Variants in PGM2L1 observed in about 807,000 individuals in gnomAD.
PGM2L1 encodes phosphoglucomutase 2 like 1.
Under a neutral mutation model 73.4 loss-of-function variants are expected in PGM2L1, and 35 were observed. The ratio of observed to expected loss-of-function variants is 0.48; its 90% CI spans 0.36 to 0.63. The LOEUF (loss-of-function observed/expected upper bound fraction) is 0.63, where lower values mean the gene tolerates loss of function less well. Ranked by LOEUF, PGM2L1 falls within the 30% of genes least tolerant of loss-of-function variation. The probability of loss-of-function intolerance (pLI) is 0.00; values close to 1 mark genes in which losing one functional copy is unlikely to be tolerated. For missense variants in PGM2L1, 570 were observed against 742.0 expected (o/e 0.77, Z 2.69); for synonymous variants, 225 against 253.8 (o/e 0.89, Z 1.08).
At position 74,334,467 on chromosome 11, in the gene PGM2L1, A is replaced by G. The variant is rs574102002; in HGVS notation, c.*2185T>C. ...TAAAAATAAAACAAAAATTCTACAC[A>G]TATCTTCTCCAGTGCAAAGCCTTTG... On this transcript the variant is annotated 3_prime_UTR_variant, in exon 14 of 14. Transcript: ENST00000298198. 1 of 152,360 alleles carries G rather than the reference A, an allele frequency of 6.6e-6. No homozygotes were observed. Among genetic ancestry groups the G allele is most frequent in the South Asian group, 2.1e-4 (1 of 4,830 alleles). 9.4% of individuals were successfully genotyped at this position (152,360 alleles called of 1,614,324 possible). A position where few individuals can be genotyped will look rare whatever the true frequency, so the allele number is the denominator to read the frequency against.
At chr11:74,389,803 T>C (rs2134953534) in intron 1 of PGM2L1, among the ~76,000 whole-genome samples, 1 of 149,566 alleles carries the variant, frequency 6.7e-6, no homozygotes, top group South Asian at 2.1e-4. Flanking sequence ...AACGGCCTTG[T>C]AGAAAACTTG....
chr11:74,385,715 G>A (rs1315894009), intron 1 of PGM2L1, among the ~76,000 whole-genome samples: 1 of 151,640 alleles, frequency 6.6e-6, no homozygotes, highest in East Asian at 1.9e-4. Flanking sequence ...TTGAAATGGC[G>A]AAAATACTAC....
chr11:74,352,176 TATG>T (rs1432944758), intron 5 of PGM2L1, among the ~76,000 whole-genome samples: 2 of 152,052 alleles, frequency 1.3e-5, no homozygotes, highest in African/African-American at 4.8e-5. Context: ...GGCTAATTAT[TATG>T]ATAACATTAT....
In PGM2L1 at chr11:74,336,659, G is replaced by T; in HGVS notation, c.1862C>A (p.Ser621Tyr). The T allele has an allele frequency of 1.9e-6, 3 of 1,603,772 alleles. No homozygotes were observed. In the South Asian group the frequency reaches 3.3e-5, roughly 18 times the overall value. The change falls in exon 14 of 14, where the codon TCT becomes TAT. Residue 621 changes from serine to tyrosine, a missense_variant. Coordinates refer to ENST00000298198, the MANE Select transcript of PGM2L1 (RefSeq NM_173582.6). ...TGACATATTGGTGTACCCCTAAACA[G>T]AACGCCAGATCAGTCCATTCTTACT... ...QPSKNGLIWR[S>Y]V
At chr11:74,383,290 T>C (rs1234573024) in intron 1 of PGM2L1, among the ~76,000 whole-genome samples, 1 of 152,002 alleles carries the variant, frequency 6.6e-6, no homozygotes, top group East Asian at 1.9e-4. Flanking sequence ...ATATAAACCA[T>C]ACATGCAATA....
intron 5 of PGM2L1, chr11:74,355,452 G>C: frequency 2.6e-6 from 1 of 379,884 alleles, no homozygotes; most frequent in African/African-American, 2.3e-5. Flanking sequence ...TACTCGGGAG[G>C]CTGAGGCAGG....
chr11:74,364,719 A>G (rs1862626424), intron 5 of PGM2L1, among the ~76,000 whole-genome samples: 1 of 152,248 alleles, frequency 6.6e-6, no homozygotes, highest in Non-Finnish European at 1.5e-5. Context: ...AAAAGAGGAC[A>G]CAAACAAATG....
intron 1 of PGM2L1, among the ~76,000 whole-genome samples, chr11:74,381,888 G>A (rs1166646264): frequency 1.3e-5 from 2 of 151,958 alleles, no homozygotes; most frequent in Non-Finnish European, 2.9e-5. Flanking sequence ...TACCCAGCAC[G>A]CTAACCATTG....
intron 5 of PGM2L1, among the ~76,000 whole-genome samples, chr11:74,366,634 A>C (rs1017088478): frequency 3.9e-5 from 6 of 152,092 alleles, no homozygotes; most frequent in African/African-American, 1.4e-4. Flanking sequence ...GATTTGGGGA[A>C]GAGCAATCCA....
chr11:74,359,623 G>T (rs959732842), intron 5 of PGM2L1, among the ~76,000 whole-genome samples: 1 of 151,914 alleles, frequency 6.6e-6, no homozygotes, highest in South Asian at 2.1e-4. Context: ...AAGGGAGAGG[G>T]AGAAAGAAAA....
rs1862066739 is a variant in PGM2L1 at position 74,334,727 on chromosome 11, T to C, written c.*1925A>G. 1 of 152,170 alleles carries C rather than the reference T, an allele frequency of 6.6e-6. No individual in the cohort carries two copies. Among genetic ancestry groups the C allele is most frequent in the Admixed American group, 6.5e-5 (1 of 15,278 alleles). The allele number at this position is 152,170 out of a possible 1,614,324, so 9.4% of individuals were successfully genotyped here. ...AGGAACATTCTAATCAGTTCAAACT[T>C]TATATTATTATTTTATATGAAATAA... On this transcript the variant is annotated 3_prime_UTR_variant, in exon 14 of 14. Transcript: ENST00000298198.
At position 74,333,012 on chromosome 11, in the gene PGM2L1, CA is replaced by C. The variant is rs1862037219; in HGVS notation, c.*3639del. On this transcript the variant is annotated 3_prime_UTR_variant, in exon 14 of 14. Transcript: ENST00000298198. ...TTATGCATCAGTTACTCAAAACACA[CA>C]AAAATTGTTTTGTGAGCTAAATTCT... 1 of 152,280 alleles carries C rather than the reference CA, an allele frequency of 6.6e-6. No homozygotes were observed. Among genetic ancestry groups the C allele is most frequent in the East Asian group, 1.9e-4 (1 of 5,200 alleles). The allele number at this position is 152,280 out of a possible 1,614,324, so 9.4% of individuals were successfully genotyped here.
chr11:74,394,664 A>G (rs948367965), intron 1 of PGM2L1, among the ~76,000 whole-genome samples: 1 of 152,202 alleles, frequency 6.6e-6, no homozygotes, highest in Non-Finnish European at 1.5e-5. Context: ...TTCTTAATAC[A>G]CACATTAAAA....
chr11:74,358,612 G>C (rs1381471641), intron 5 of PGM2L1, among the ~76,000 whole-genome samples: 1 of 152,224 alleles, frequency 6.6e-6, no homozygotes, highest in African/African-American at 2.4e-5. Context: ...CTCTACGCCA[G>C]GTGCAGTGGC....
chr11:74,362,105 T>C (rs970394925), intron 5 of PGM2L1, among the ~76,000 whole-genome samples: 1 of 152,030 alleles, frequency 6.6e-6, no homozygotes, highest in Non-Finnish European at 1.5e-5. Flanking sequence ...GTCAGATTCA[T>C]CAAACTTGAA....
intron 2 of PGM2L1, among the ~76,000 whole-genome samples, 197 bp downstream of exon 2, chr11:74,374,218 G>A (rs1862821335): frequency 6.6e-6 from 1 of 152,088 alleles, no homozygotes; most frequent in Non-Finnish European, 1.5e-5. Flanking sequence ...CGGGTAGCTG[G>A]GACTACAGGC....
Position 74,364,558 on chromosome 11 carries a change from T to C in PGM2L1, c.555+3934A>G, listed in dbSNP as rs988440501. Among the ~76,000 whole-genome samples, 6 of 152,172 alleles carry C rather than the reference T, an allele frequency of 3.9e-5. 1 individual carries two copies. The highest frequency in any genetic ancestry group is 8.8e-5 in the Non-Finnish European group (6 of 68,028). ...AATGTGGAAAAATCACAAGCATTCT[T>C]ATACACCAATAACAGACAAACAGAG... On this transcript the variant is annotated intron_variant, in intron 5 of 13. Coordinates refer to ENST00000298198, the MANE Select transcript of PGM2L1 (RefSeq NM_173582.6).
chr11:74,371,831 A>G lies in PGM2L1; in HGVS notation c.280-14T>C. ...TTTGTACATCCCCTGAAGCAAATAA[A>G]CACAAAAGATTAGTTCTAATGGATG... On this transcript the variant is annotated splice_polypyrimidine_tract_variant and intron_variant, in intron 2 of 13. Transcript: ENST00000298198. The G allele has an allele frequency of 6.3e-7, 1 of 1,574,876 alleles. No homozygotes were observed. The highest frequency in any genetic ancestry group is 8.7e-7 in the Non-Finnish European group (1 of 1,144,628).
At chr11:74,397,231 T>C (rs1185712522) in intron 1 of PGM2L1, among the ~76,000 whole-genome samples, 1 of 152,166 alleles carries the variant, frequency 6.6e-6, no homozygotes, top group Non-Finnish European at 1.5e-5. Flanking sequence ...TTGGATTATC[T>C]TCCTCTGTTG....
Sources: gnomAD v4.1 joint callset for allele counts (sites outside exome capture counted in the v4.1 genomes callset) on GRCh38, gnomAD v4.1.1 for gene constraint, MANE v1.5 for transcripts, NCBI Gene and HGNC (gene_info 2026-07-23, HGNC 2026-07-21) for gene names.